The following FERMT1 variants were observed in gnomAD, a reference collection of about 807,000 sequenced individuals.
The protein encoded by FERMT1 is FERM domain containing kindlin 1.
A neutral mutation model predicts 85.3 loss-of-function variants in FERMT1; 60 were observed. The ratio of observed to expected loss-of-function variants is 0.70; its 90% CI spans 0.57 to 0.87. The LOEUF is 0.87. Among genes scored for constraint, FERMT1 ranks in the 40% least tolerant of loss-of-function variants. The pLI, the probability that FERMT1 is intolerant of heterozygous loss-of-function variation, is 0.00. For missense variants in FERMT1, 701 were observed against 818.9 expected (o/e 0.86, Z 1.76); for synonymous variants, 275 against 301.1 (o/e 0.91, Z 0.90).
In FERMT1 at chr20:6,102,030, C is replaced by T. The variant is rs191019021; in HGVS notation, c.850-4399G>A. Among the ~76,000 whole-genome samples the T allele has an allele frequency of 2.1e-4, 32 of 152,114 alleles. No individual in the cohort carries two copies. In the East Asian group the frequency reaches 3.1e-3, roughly 15 times the overall value. ...CATAATATTTACCATCTTAACCATCCGCCTACTGTTTTTTAGAGGCACGGT... is the reference window on the plus strand; with the variant it reads ...CATAATATTTACCATCTTAACCATCTGCCTACTGTTTTTTAGAGGCACGGT... On this transcript the variant is annotated intron_variant, in intron 6 of 14. Coordinates refer to ENST00000217289, the MANE Select transcript of FERMT1 (RefSeq NM_017671.5).
intron 5 of FERMT1, among the ~76,000 whole-genome samples, chr20:6,109,193 C>A (rs1418429757): frequency 1.3e-5 from 2 of 152,098 alleles, no homozygotes; most frequent in African/African-American, 4.8e-5. Context: ...TGGGGGAGAC[C>A]AAGCCTCAAA....
In FERMT1 at chr20:6,089,109, G is replaced by C; in HGVS notation, c.1140-20C>G. The C allele has an allele frequency of 6.2e-7, 1 of 1,608,132 alleles. No individual in the cohort carries two copies. The highest frequency in any genetic ancestry group is 8.5e-7 in the Non-Finnish European group (1 of 1,176,018). On this transcript the variant is annotated intron_variant, in intron 9 of 14. Transcript: ENST00000217289. ...TTGGGCCTGCAAATTCAAAGATAGT[G>C]AATGTTTAAACCACCACCCAGAAAT...
At chr20:6,112,809 G>T (rs1982991936) in intron 3 of FERMT1, among the ~76,000 whole-genome samples, 186 bp from the exon 4 acceptor site, 1 of 152,134 alleles carries the variant, frequency 6.6e-6, no homozygotes, top group Admixed American at 6.6e-5. Context: ...AGTAGGTGGG[G>T]GGAGAAAACG....
chr20:6,117,133 T>C (rs770180271), intron 2 of FERMT1, among the ~76,000 whole-genome samples: 1 of 152,360 alleles, frequency 6.6e-6, no homozygotes, highest in Middle Eastern at 3.4e-3. Context: ...TCCTTTAACG[T>C]TGGCATTAAA....
At position 6,077,101 on chromosome 20, in the gene FERMT1, C is replaced by T. The variant is rs2232084; in HGVS notation, c.*72G>A. ...TAGTCCAGAATCTACATGCTGGGCA[C>T]GTTAGGGATCCCTCTGGGGAGGGGC... On this transcript the variant is annotated 3_prime_UTR_variant, in exon 15 of 15. Transcript: ENST00000217289. 8 of 1,468,636 alleles carry T rather than the reference C, an allele frequency of 5.4e-6. No individual in the cohort carries two copies. The highest frequency in any genetic ancestry group is 4.2e-5 in the African/African-American group (3 of 71,952). The allele number at this position is 1,468,636 out of a possible 1,614,324, so 91.0% of individuals were successfully genotyped here. A position where few individuals can be genotyped will look rare whatever the true frequency, so the allele number is the denominator to read the frequency against.
At position 6,119,482 on chromosome 20, in the gene FERMT1, G is replaced by T. The variant is rs752585747; in HGVS notation, c.73C>A (p.Gln25Lys). The change falls in exon 2 of 15, where the codon CAG becomes AAG. Residue 25 changes from glutamine to lysine, a missense_variant. By Grantham distance (53) the Gln-to-Lys change is moderately conservative. Coordinates refer to ENST00000217289, the MANE Select transcript of FERMT1 (RefSeq NM_017671.5). Reference protein sequence around the residue: ...VVRVDHPNEEQQKDVTLRVSG... With the variant: ...VVRVDHPNEEKQKDVTLRVSG... ...ACTCTCAGTGTGACGTCTTTCTGCT[G>T]CTCTTCATTGGGATGGTCAACGCGG... 1.9e-6 allele frequency: 3 copies of T among 1,614,088 alleles called. No homozygotes were observed. In the East Asian group the frequency reaches 6.7e-5, roughly 36 times the overall value.
intron 11 of FERMT1, among the ~76,000 whole-genome samples, chr20:6,085,679 G>A (rs1982159117): frequency 6.6e-6 from 1 of 151,984 alleles, no homozygotes; most frequent in Non-Finnish European, 1.5e-5. Context: ...GTGAAACCCT[G>A]TGTCTACTAA....
At chr20:6,118,439 C>T (rs1016631071) in intron 2 of FERMT1, among the ~76,000 whole-genome samples, 4 of 152,018 alleles carry the variant, frequency 2.6e-5, no homozygotes, top group Admixed American at 2.6e-4. Flanking sequence ...TGTTCTATTT[C>T]GTGATCTGAG....
intron 3 of FERMT1, among the ~76,000 whole-genome samples, chr20:6,114,831 G>A (rs1297518030): frequency 2.0e-5 from 3 of 152,036 alleles, no homozygotes; most frequent in Non-Finnish European, 4.4e-5. Flanking sequence ...CTTTTTTGGG[G>A]TACTATCCAT....
chr20:6,102,950 G>A (rs1197102570), intron 6 of FERMT1, among the ~76,000 whole-genome samples: 2 of 152,142 alleles, frequency 1.3e-5, no homozygotes, highest in African/African-American at 2.4e-5. Context: ...CCCAGGAGCA[G>A]CTTTCAGTAT....
chr20:6,076,983 G>A lies in FERMT1; in HGVS notation c.*190C>T. 1 of 628,242 alleles carries A rather than the reference G, an allele frequency of 1.6e-6. No homozygotes were observed. 38.9% of individuals were successfully genotyped at this position (628,242 alleles called of 1,614,324 possible). A position where few individuals can be genotyped will look rare whatever the true frequency, so the allele number is the denominator to read the frequency against. ...AAAAACAAGAGAGGCTCCTTCCGTG[G>A]CTGGTAGCACAGGGCAAAGTAAGGA... On this transcript the variant is annotated 3_prime_UTR_variant, in exon 15 of 15. Transcript: ENST00000217289.
At position 6,122,952 on chromosome 20, in the gene FERMT1, G is replaced by C. The variant is rs1014733642; in HGVS notation, c.-197C>G. 1 of 152,284 alleles carries C rather than the reference G, an allele frequency of 6.6e-6. No homozygotes were observed. Among genetic ancestry groups the C allele is most frequent in the African/African-American group, 2.4e-5 (1 of 41,474 alleles). 9.4% of individuals were successfully genotyped at this position (152,284 alleles called of 1,614,324 possible). ...GGCAGGTGAGGGCTGGAGCCAGGGC[G>C]AGCAGGCGAAGCTGCCTCGGGACCT... On this transcript the variant is annotated 5_prime_UTR_variant, in exon 1 of 15. Coordinates refer to ENST00000217289, the MANE Select transcript of FERMT1 (RefSeq NM_017671.5).
chr20:6,112,956 G>A (rs1024210907), intron 3 of FERMT1, among the ~76,000 whole-genome samples: 2 of 152,096 alleles, frequency 1.3e-5, no homozygotes, highest in African/African-American at 4.8e-5. Context: ...CTAGCATTAT[G>A]CTATTCTTGT....
rs777465868 is a variant in FERMT1, at chr20:6,077,168, T to C, written c.*5A>G. The C allele has an allele frequency of 6.2e-7, 1 of 1,613,732 alleles. No homozygotes were observed. The highest frequency in any genetic ancestry group is 8.5e-7 in the Non-Finnish European group (1 of 1,180,028). On this transcript the variant is annotated 3_prime_UTR_variant, in exon 15 of 15. Transcript: ENST00000217289. ...GTTGGTGTGAGCCGAGCACGCGTGC[T>C]TGTTTCAATCCTGACCGCCGGTCAA... is the stretch of plus-strand genomic sequence containing the variant.
At chr20:6,101,809 T>C (rs1460285147) in intron 6 of FERMT1, among the ~76,000 whole-genome samples, 1 of 151,962 alleles carries the variant, frequency 6.6e-6, no homozygotes, top group Non-Finnish European at 1.5e-5. Flanking sequence ...CCCGCCTCCA[T>C]GCTCCGCTAA....
intron 6 of FERMT1, among the ~76,000 whole-genome samples, chr20:6,105,469 A>C (rs771390503): frequency 1.3e-5 from 2 of 152,222 alleles, no homozygotes; most frequent in Non-Finnish European, 2.9e-5. Context: ...CTCTGTGACC[A>C]CCAGAATCAA....
chr20:6,107,199 C>CAAAAAAAAAA, intron 6 of FERMT1, among the ~76,000 whole-genome samples: 1 of 92,648 alleles, frequency 1.1e-5, no homozygotes, highest in Non-Finnish European at 2.1e-5. Context: ...CTGTCTCAAC[C>CAAAAAAAAAA]AAAAAAAAAA....
intron 9 of FERMT1, among the ~76,000 whole-genome samples, chr20:6,092,393 A>G (rs1022471771): frequency 7.9e-5 from 12 of 152,174 alleles, no homozygotes; most frequent in South Asian, 6.2e-4. Flanking sequence ...AAATACAAAA[A>G]TTAACCAGGC....
intron 8 of FERMT1, among the ~76,000 whole-genome samples, chr20:6,095,684 G>A (rs534723229): frequency 3.9e-5 from 6 of 152,264 alleles, no homozygotes; most frequent in Admixed American, 6.5e-5. Flanking sequence ...TTTATTCAGC[G>A]GAGAAAGTAG....
Sources: gnomAD v4.1 joint callset for allele counts (sites outside exome capture counted in the v4.1 genomes callset) on GRCh38, gnomAD v4.1.1 for gene constraint, MANE v1.5 for transcripts, NCBI Gene and HGNC (gene_info 2026-07-23, HGNC 2026-07-21) for gene names.